C2CD2: variants seen among roughly 807,000 people sequenced by gnomAD.
The protein encoded by C2CD2 is C2 calcium dependent domain containing 2.
Under a neutral mutation model 74.3 loss-of-function variants are expected in C2CD2, and 43 were observed. That is an observed-to-expected ratio of 0.58 (90% confidence interval 0.45 to 0.75). C2CD2 has a LOEUF of 0.75. C2CD2 is among the 30% of genes least tolerant of loss of function. C2CD2 has a pLI of 0.00. For synonymous variants in C2CD2, 422 were observed against 390.7 expected, an observed-to-expected ratio of 1.08 and a Z score of -0.94; for missense variants, 801 against 916.3, an observed-to-expected ratio of 0.87 and a Z score of 1.63.
At chr21:41,891,353 C>G in intron 13 of C2CD2, among the ~76,000 whole-genome samples, 1 of 152,210 alleles carries the variant, frequency 6.6e-6, no homozygotes, top group African/African-American at 2.4e-5. Flanking sequence ...CGTGAAAAAC[C>G]AGCCATCAGC....
chr21:41,919,027 C>CACATTA, intron 3 of C2CD2, 67 bp from the exon 4 acceptor site: 1 of 1,095,168 alleles, frequency 9.1e-7, no homozygotes. Context: ...CGTGCGTGTG[C>CACATTA]ATGTGACTGT....
At chr21:41,912,639 C>T (rs1293089468) in intron 6 of C2CD2, among the ~76,000 whole-genome samples, 199 bp from the exon 7 acceptor site, 2 of 152,086 alleles carry the variant, frequency 1.3e-5, no homozygotes, top group East Asian at 1.9e-4. Flanking sequence ...TACAGGCGCA[C>T]GCCTCCACGC....
Position 41,889,257 on chromosome 21 carries a change from A to G in C2CD2, c.1958T>C (p.Leu653Pro). 6.2e-7 allele frequency: 1 copy of G among 1,614,026 alleles called. No individual in the cohort carries two copies. Among genetic ancestry groups the G allele is most frequent in the South Asian group, 1.1e-5 (1 of 91,066 alleles). Residue 653 changes from leucine to proline, a missense_variant, in exon 14 of 14, where the codon CTT becomes CCT. By Grantham distance (98) the Leu-to-Pro change is moderately conservative. Transcript: ENST00000380486. ...ACCCTCTGGCTGCTCCAGGAACACAAGGTCATTGTGTGACTGACTCATGCC... is the reference window on the plus strand; with the variant it reads ...ACCCTCTGGCTGCTCCAGGAACACAGGGTCATTGTGTGACTGACTCATGCC... ...DPGMSQSHND[L>P]VFLEQPEGSR... is the part of the protein sequence containing the mutation.
intron 10 of C2CD2, 93 bp from the exon 11 acceptor site, chr21:41,905,930 C>A (rs2064957427): frequency 1.3e-6 from 1 of 760,392 alleles, no homozygotes. Context: ...CACTGCAACT[C>A]TGGTGTGTGC....
chr21:41,890,923 C>T (rs1268499461), intron 13 of C2CD2, among the ~76,000 whole-genome samples: 5 of 152,186 alleles, frequency 3.3e-5, no homozygotes, highest in Non-Finnish European at 7.4e-5. Flanking sequence ...CTGCTCTGCC[C>T]AGGTTACAGG....
chr21:41,953,132 G>A (rs1297226639), intron 1 of C2CD2: 1 of 392,176 alleles, frequency 2.5e-6, no homozygotes, highest in South Asian at 1.3e-4. Context: ...GTCCCTCGCG[G>A]AGCCCAGGGC....
At chr21:41,907,550 G>A (rs2064977345) in intron 9 of C2CD2, 110 bp downstream of exon 9, 2 of 1,186,286 alleles carry the variant, frequency 1.7e-6, no homozygotes, top group Non-Finnish European at 2.4e-6. Context: ...CTTGGAGGAG[G>A]TCTTATTTCA....
At chr21:41,906,675 G>A (rs896224446) in intron 10 of C2CD2, among the ~76,000 whole-genome samples, 2 of 152,180 alleles carry the variant, frequency 1.3e-5, no homozygotes, top group African/African-American at 4.8e-5. Flanking sequence ...CTATCATTGA[G>A]TTCTTAATTT....
intron 5 of C2CD2, among the ~76,000 whole-genome samples, chr21:41,916,289 G>A (rs1172591250): frequency 1.3e-5 from 2 of 152,158 alleles, no homozygotes; most frequent in South Asian, 4.1e-4. Flanking sequence ...GATTCTGGGT[G>A]TGACTGACTG....
At chr21:41,927,717 C>T (rs141207152) in intron 2 of C2CD2, among the ~76,000 whole-genome samples, 2 of 152,348 alleles carry the variant, frequency 1.3e-5, no homozygotes, top group African/African-American at 2.4e-5. Flanking sequence ...GATCCACCCA[C>T]CTTGGCCTCC....
chr21:41,931,588 A>G (rs1273675530), intron 2 of C2CD2, among the ~76,000 whole-genome samples: 2 of 149,696 alleles, frequency 1.3e-5, no homozygotes, highest in Non-Finnish European at 3.0e-5. Context: ...ACGCCCAGCT[A>G]ATTTTTTGTA....
rs752646058 is a variant in C2CD2, at chr21:41,912,452, T to C, written c.845-12A>G. 6.7e-6 allele frequency: 10 copies of C among 1,484,800 alleles called. No homozygotes were observed. The highest frequency in any genetic ancestry group is 1.4e-5 in the African/African-American group (1 of 70,720). The allele number at this position is 1,484,800 out of a possible 1,614,324, so 92.0% of individuals were successfully genotyped here. ...TGCATTAATGTGGCCTGTAATTAAA[T>C]AGAAGGGCATCGTGTTGGCGTTTAT... On this transcript the variant is annotated splice_polypyrimidine_tract_variant and intron_variant, in intron 6 of 13. Coordinates refer to ENST00000380486, the MANE Select transcript of C2CD2 (RefSeq NM_015500.2).
chr21:41,944,538 A>AAAG (rs1555906449), intron 1 of C2CD2, among the ~76,000 whole-genome samples: 136 of 130,746 alleles, frequency 1.0e-3, no homozygotes, highest in African/African-American at 2.2e-3. Flanking sequence ...AAAAAAAAAA[A>AAAG]AAAAGAAAAG....
intron 12 of C2CD2, among the ~76,000 whole-genome samples, chr21:41,900,526 G>A (rs1476649001): frequency 1.3e-5 from 2 of 152,150 alleles, no homozygotes; most frequent in Non-Finnish European, 2.9e-5. Context: ...CCTGCTGAGG[G>A]CCCCTGGAGG....
In C2CD2 at chr21:41,942,187, A is replaced by G. The variant is rs1438700268; in HGVS notation, c.338T>C (p.Val113Ala). The change falls in exon 2 of 14, where the codon GTG (valine) becomes GCG (alanine). Residue 113 changes from valine (V) to alanine (A), a missense_variant. Coordinates refer to ENST00000380486, the MANE Select transcript of C2CD2 (RefSeq NM_015500.2). ...DPRQQALELV[V>A]QEVSSVLRSA... is the part of the protein sequence containing the mutation. Reference sequence around the variant, plus strand: ...CCTGAGCACGCTGGAGACCTCCTGCACCACCAGCTCCAGTGCCTGCTGCCG... The same window carrying G: ...CCTGAGCACGCTGGAGACCTCCTGCGCCACCAGCTCCAGTGCCTGCTGCCG... The G allele has an allele frequency of 1.3e-6, 2 of 1,549,476 alleles. No homozygotes were observed. Among genetic ancestry groups the G allele is most frequent in the Non-Finnish European group, 1.7e-6 (2 of 1,146,818 alleles).
At chr21:41,891,887 C>T (rs2064759233) in intron 13 of C2CD2, among the ~76,000 whole-genome samples, 1 of 152,150 alleles carries the variant, frequency 6.6e-6, no homozygotes, top group Non-Finnish European at 1.5e-5. Context: ...CTCCAAAGTC[C>T]ATTTCATAGG....
intron 2 of C2CD2, among the ~76,000 whole-genome samples, chr21:41,938,019 A>G (rs1056358548): frequency 8.5e-5 from 13 of 152,190 alleles, no homozygotes; most frequent in African/African-American, 3.1e-4. Context: ...CACGTTCAAG[A>G]GACCTATTGC....
In C2CD2 at chr21:41,953,520, G is replaced by C; in HGVS notation, c.129C>G (p.Pro43=). 1.4e-6 allele frequency: 2 copies of C among 1,481,194 alleles called. No homozygotes were observed. Among genetic ancestry groups the C allele is most frequent in the Non-Finnish European group, 1.8e-6 (2 of 1,118,898 alleles). The allele number at this position is 1,481,194 out of a possible 1,614,324, so 91.8% of individuals were successfully genotyped here. A position where few individuals can be genotyped will look rare whatever the true frequency, so the allele number is the denominator to read the frequency against. Residue 43 remains proline, a synonymous_variant, in exon 1 of 14, where the codon CCC becomes CCG. Transcript: ENST00000380486. ...LAQWALARAR[P]QPQRRAVEPG... ...GCTCCACCGCCCGCCGCTGGGGCTG[G>C]GGTCGCGCCCTGGCCAGCGCCCACT...
Position 41,918,208 on chromosome 21 carries a change from C to A in C2CD2, c.617G>T (p.Ser206Ile). ...ALGEDQVAETSAMSDVLKDIL... is the reference protein window; with the variant it reads ...ALGEDQVAETIAMSDVLKDIL... ...GTCCTTGAGAACGTCAGACATCGCACTTGTCTCAGCCACCTGGTCCTGGTG... is the reference window on the plus strand; with the variant it reads ...GTCCTTGAGAACGTCAGACATCGCAATTGTCTCAGCCACCTGGTCCTGGTG... Residue 206 changes from serine to isoleucine, a missense_variant, in exon 5 of 14, where the codon AGT becomes ATT. Transcript: ENST00000380486. The A allele has an allele frequency of 6.2e-7, 1 of 1,614,160 alleles. No homozygotes were observed. Among genetic ancestry groups the A allele is most frequent in the Non-Finnish European group, 8.5e-7 (1 of 1,179,998 alleles).
Sources: allele counts gnomAD v4.1 joint callset (sites outside exome capture counted in the v4.1 genomes callset), GRCh38; gene constraint gnomAD v4.1.1; transcripts MANE v1.5; gene names NCBI Gene and HGNC (gene_info 2026-07-23, HGNC 2026-07-21).